CDKN2B-AS1: variants seen among roughly 807,000 people sequenced by gnomAD.
CDKN2B-AS1 encodes CDKN2B antisense RNA 1 (non-protein coding).
rs536858420 is a variant in CDKN2B-AS1 at position 22,043,680 on chromosome 9, TACC to T, written n.30-3067_30-3065del. Among the ~76,000 whole-genome samples the T allele has an allele frequency of 5.9e-5, 9 of 152,148 alleles. No individual in the cohort carries two copies. In the East Asian group the frequency reaches 1.7e-3, roughly 29 times the overall value. ...CATCTTCATGATTATGCTATTCACA[TACC>T]ACCTATACTATTATGCTTCTGAAAA... is the stretch of plus-strand genomic sequence containing the variant. On this transcript the variant is annotated intron_variant and non_coding_transcript_variant, in intron 1 of 4. Transcript: ENST00000650946.
intron 1 of CDKN2B-AS1, among the ~76,000 whole-genome samples, chr9:22,014,717 T>C (rs1821663879): frequency 6.6e-6 from 1 of 151,536 alleles, no homozygotes; most frequent in East Asian, 1.9e-4. Context: ...CATTAACTTG[T>C]CATTTAGCAT....
intron 1 of CDKN2B-AS1, among the ~76,000 whole-genome samples, chr9:22,014,549 G>A (rs1396041049): frequency 6.6e-6 from 1 of 152,024 alleles, no homozygotes; most frequent in East Asian, 1.9e-4. Context: ...TAAACCACTA[G>A]ATTTTGAAAT....
At chr9:22,112,699 G>A in intron 4 of CDKN2B-AS1, among the ~76,000 whole-genome samples, 1 of 152,088 alleles carries the variant, frequency 6.6e-6, no homozygotes, top group East Asian at 1.9e-4. Context: ...GAGTTCTAAA[G>A]TGTTTCCAAA....
intron 4 of CDKN2B-AS1, among the ~76,000 whole-genome samples, chr9:22,107,259 C>T (rs146347186): frequency 3.9e-5 from 6 of 152,172 alleles, no homozygotes; most frequent in South Asian, 2.1e-4. Flanking sequence ...ACTGATTGGG[C>T]GTGGAGAGAA....
intron 1 of CDKN2B-AS1, among the ~76,000 whole-genome samples, chr9:22,036,490 A>C (rs772757349): frequency 5.1e-4 from 77 of 152,276 alleles, no homozygotes; most frequent in Non-Finnish European, 9.3e-4. Flanking sequence ...TCTACAGCCT[A>C]AATTGTTTCG....
intron 4 of CDKN2B-AS1, among the ~76,000 whole-genome samples, chr9:22,094,678 A>G (rs113179450): frequency 2.1e-5 from 3 of 142,950 alleles, no homozygotes; most frequent in African/African-American, 5.9e-5. Flanking sequence ...TCCTTTAAAG[A>G]CTTCTCTGCG....
At chr9:22,068,957 G>T (rs1244183342) in intron 4 of CDKN2B-AS1, among the ~76,000 whole-genome samples, 2 of 152,126 alleles carry the variant, frequency 1.3e-5, no homozygotes, top group Non-Finnish European at 2.9e-5. Context: ...CCTATGCTTT[G>T]GGGACTCGTC....
chr9:22,046,422 C>A (rs777546402), intron 1 of CDKN2B-AS1: 1 of 152,096 alleles, frequency 6.6e-6, no homozygotes, highest in Non-Finnish European at 1.5e-5. Context: ...ACTGGACTAC[C>A]TGCCTGCCCT....
chr9:22,001,435 T>A lies in CDKN2B-AS1; in HGVS notation n.29+6274T>A, dbSNP rs1820914501. ...TAGTCAGTGTGTCATCTTAATACAT[T>A]GTTCTTAGTTCTTTTTCCAGCAAAC... On this transcript the variant is annotated intron_variant and non_coding_transcript_variant, in intron 1 of 4. Transcript: ENST00000650946. The surrounding 1 kb of genome is among the most constrained non-coding windows in gnomAD (Gnocchi z 4.2). Among the ~76,000 whole-genome samples the A allele has an allele frequency of 6.6e-6, 1 of 152,138 alleles. No homozygotes were observed. Among genetic ancestry groups the A allele is most frequent in the African/African-American group, 2.4e-5 (1 of 41,448 alleles).
At chr9:22,044,794 T>C (rs1318108843) in intron 1 of CDKN2B-AS1, among the ~76,000 whole-genome samples, 3 of 151,726 alleles carry the variant, frequency 2.0e-5, no homozygotes, top group Non-Finnish European at 2.9e-5. Flanking sequence ...AGAGAGGAAA[T>C]GTTTAACCCA....
intron 4 of CDKN2B-AS1, among the ~76,000 whole-genome samples, chr9:22,070,170 T>C (rs1332609788): frequency 9.2e-5 from 14 of 152,116 alleles, no homozygotes; most frequent in Admixed American, 9.2e-4. Context: ...GACAGAAAGA[T>C]GCATTATTTT....
At chr9:22,007,409 C>T (rs1276155445) in intron 1 of CDKN2B-AS1, among the ~76,000 whole-genome samples, 1 of 152,026 alleles carries the variant, frequency 6.6e-6, no homozygotes, top group Non-Finnish European at 1.5e-5. Flanking sequence ...TGTTAGCAGT[C>T]AATCAGGATG....
chr9:22,111,520 ATC>A (rs1337863101), intron 4 of CDKN2B-AS1, among the ~76,000 whole-genome samples: 4 of 152,146 alleles, frequency 2.6e-5, no homozygotes, highest in African/African-American at 9.7e-5. Flanking sequence ...TGGCACTACT[ATC>A]TCTTTCTTAC....
intron 3 of CDKN2B-AS1, among the ~76,000 whole-genome samples, chr9:22,054,482 G>T (rs1393253329): frequency 6.6e-6 from 1 of 152,058 alleles, no homozygotes; most frequent in African/African-American, 2.4e-5. Flanking sequence ...CATACCTTGT[G>T]TCAGGCACTT....
rs72654242 is a variant in CDKN2B-AS1, at chr9:22,113,404, T to C, written n.439-13699T>C. ...CTCTTCTGCCACCAGCAGAAGAGGC[T>C]TTTAAGAGTTTATGGGATTAGATTA... On this transcript the variant is annotated intron_variant and non_coding_transcript_variant, in intron 4 of 4. Coordinates refer to ENST00000650946, the Ensembl canonical transcript of CDKN2B-AS1. Among the ~76,000 whole-genome samples, 109 of 152,326 alleles carry C rather than the reference T, an allele frequency of 7.2e-4. 1 individual carries two copies. The highest frequency in any genetic ancestry group is 2.5e-3 in the African/African-American group (106 of 41,574).
chr9:22,110,925 T>A (rs2131367210), intron 4 of CDKN2B-AS1, among the ~76,000 whole-genome samples: 1 of 152,256 alleles, frequency 6.6e-6, no homozygotes, highest in East Asian at 1.9e-4. Context: ...GTAAATGTAA[T>A]CCTATAGTAT....
chr9:22,025,937 C>G (rs564829812), intron 1 of CDKN2B-AS1, among the ~76,000 whole-genome samples: 1 of 152,158 alleles, frequency 6.6e-6, no homozygotes, highest in Non-Finnish European at 1.5e-5. Flanking sequence ...CTAAGTTGTT[C>G]TAACAGCAAA....
intron 4 of CDKN2B-AS1, among the ~76,000 whole-genome samples, chr9:22,070,926 T>C (rs1177592509): frequency 2.0e-5 from 3 of 152,084 alleles, no homozygotes; most frequent in Non-Finnish European, 4.4e-5. Flanking sequence ...GATGTAAGCC[T>C]AGAGTAGCTG....
intron 4 of CDKN2B-AS1, among the ~76,000 whole-genome samples, chr9:22,105,421 G>A (rs991123315): frequency 4.6e-5 from 7 of 152,190 alleles, no homozygotes; most frequent in Admixed American, 4.6e-4. Flanking sequence ...TCCATGCAGT[G>A]TCTGCTGGGA....
Sources: gnomAD v4.1 joint callset for allele counts (sites outside exome capture counted in the v4.1 genomes callset) on GRCh38, gnomAD v4.1.1 for gene constraint, Gnocchi (gnomAD v3.1) non-coding constraint, MANE v1.5 for transcripts, NCBI Gene and HGNC (gene_info 2026-07-23, HGNC 2026-07-21) for gene names.